The following PIGT variants were observed in gnomAD, a reference collection of about 807,000 sequenced individuals.
PIGT encodes phosphatidylinositol glycan anchor biosynthesis class T.
PIGT carries 57 observed loss-of-function variants against 66.7 expected under a neutral mutation model. That is an observed-to-expected ratio of 0.86 (90% confidence interval 0.69 to 1.07). The LOEUF is 1.07. PIGT is among the 50% of genes least tolerant of loss of function. PIGT has a pLI of 0.00. For missense variants in PIGT, 725 were observed against 740.4 expected, an observed-to-expected ratio of 0.98 and a Z score of 0.24; for synonymous variants, 362 against 320.5, an observed-to-expected ratio of 1.13 and a Z score of -1.38.
chr20:45,425,532 G>A (rs1443898637), intron 11 of PIGT, 42 bp from the exon 12 acceptor site: 16 of 1,596,320 alleles, frequency 1.0e-5, no homozygotes, highest in Non-Finnish European at 1.7e-6. Context: ...GAGATGGGGA[G>A]GAGCAGCCAG....
intron 8 of PIGT, 145 bp from the exon 9 acceptor site, chr20:45,421,238 C>A: frequency 1.5e-6 from 1 of 656,430 alleles, no homozygotes; most frequent in South Asian, 2.0e-5. Context: ...AGGGATGATT[C>A]CAGAACCCAG....
intron 2 of PIGT, 30 bp from the exon 3 acceptor site, chr20:45,418,822 G>A: frequency 6.2e-7 from 1 of 1,612,854 alleles, no homozygotes. Context: ...GTAGCCCCAG[G>A]ACAGTGAGTG....
At chr20:45,421,162 G>A in intron 8 of PIGT, 2 of 578,656 alleles carry the variant, frequency 3.5e-6, no homozygotes, top group South Asian at 4.3e-5. Flanking sequence ...GGGGCACGGT[G>A]TTCGTCACGT....
chr20:45,424,290 A>G lies in PIGT; in HGVS notation c.1309A>G (p.Asn437Asp), dbSNP rs768512053. The G allele has an allele frequency of 7.5e-5, 121 of 1,614,058 alleles. No individual in the cohort carries two copies. Among genetic ancestry groups the G allele is most frequent in the Non-Finnish European group, 1.0e-4 (120 of 1,180,020 alleles). Residue 437 changes from asparagine (N) to aspartate (D), a missense_variant, in exon 10 of 12, where the codon AAC becomes GAC. This residue lies in a region of PIGT where 559 missense variants were observed against 552.7 expected (regional missense o/e 1.01). Transcript: ENST00000279036. ...LLEMLIQLPA[N>D]SVTKVSIQFE... The stretch of plus-strand genomic sequence containing the variant: ...GGAGATGCTGATTCAGCTGCCGGCC[A>G]ACTCAGTCACCAAGGTTTCCATCCA...
rs1349656967 is a variant in PIGT, at chr20:45,424,515, C to T, written c.1420C>T (p.Leu474Phe). ...FYVSPSVLSA[L>F]VPSMVAAKPV... ...CTGTAGCCCATCTGTCCTCAGCGCC[C>T]TTGTGCCCAGCATGGTAGCAGCCAA... is the stretch of plus-strand genomic sequence containing the variant. Residue 474 changes from leucine to phenylalanine, a missense_variant, in exon 11 of 12, where the codon CTT (leucine) becomes TTT (phenylalanine). Transcript: ENST00000279036. 1.2e-6 allele frequency: 2 copies of T among 1,614,074 alleles called. No homozygotes were observed. Among genetic ancestry groups the T allele is most frequent in the Non-Finnish European group, 1.7e-6 (2 of 1,180,040 alleles).
intron 2 of PIGT, 147 bp from the exon 3 acceptor site, chr20:45,418,705 C>A: frequency 2.1e-6 from 2 of 950,868 alleles, no homozygotes; most frequent in Non-Finnish European, 3.3e-6. Context: ...TGGCTGGGGG[C>A]AGCAATGTTC....
Position 45,425,734 on chromosome 20 carries a change from C to G in PIGT, c.1645C>G (p.Arg549Gly). The change falls in exon 12 of 12, where the codon CGA becomes GGA. Residue 549 changes from arginine (R) to glycine (G), a missense_variant. This residue lies in a region of PIGT where 162 missense variants were observed against 171.1 expected (regional missense o/e 0.95). Transcript: ENST00000279036. ...TGGCTCCTTCTACAATCTCCTCACC[C>G]GAACCTTCCACATCGAGGAGCCCCG... The part of the protein sequence containing the change: ...CYGSFYNLLT[R>G]TFHIEEPRTG... 6.2e-7 allele frequency: 1 copy of G among 1,614,142 alleles called. No individual in the cohort carries two copies.
intron 9 of PIGT, chr20:45,422,925 G>A (rs1445220410): frequency 6.6e-6 from 1 of 152,048 alleles, no homozygotes; most frequent in Non-Finnish European, 1.5e-5. Context: ...TTCCTCTCTT[G>A]GGTGGGCACA....
intron 8 of PIGT, 178 bp from the exon 9 acceptor site, chr20:45,421,205 A>G (rs1990341049): frequency 6.6e-6 from 4 of 608,818 alleles, no homozygotes; most frequent in Middle Eastern, 4.4e-4. Context: ...TATTGTCATC[A>G]TCGCTTGTTG....
intron 11 of PIGT, 58 bp downstream of exon 11, chr20:45,424,637 C>A: frequency 1.5e-6 from 2 of 1,349,984 alleles, no homozygotes; most frequent in Non-Finnish European, 2.1e-6. Flanking sequence ...GGCCTTAACA[C>A]AGGTGACCAG....
At chr20:45,421,984 C>T (rs1568951317) in intron 9 of PIGT, 1 of 156,248 alleles carries the variant, frequency 6.4e-6, no homozygotes. Flanking sequence ...GTTTTGCTTC[C>T]TTGGGAGGGG....
At position 45,420,315 on chromosome 20, in the gene PIGT, T is replaced by C; in HGVS notation, c.770-17T>C. ...CCTAGGCCTGGCCCCTGCTCAGCCC[T>C]GCGCTCTGTTTCTCAGACTGGTCCC... On this transcript the variant is annotated splice_polypyrimidine_tract_variant and intron_variant, in intron 6 of 11. Coordinates refer to ENST00000279036, the MANE Select transcript of PIGT (RefSeq NM_015937.6). 1 of 1,608,200 alleles carries C rather than the reference T, an allele frequency of 6.2e-7. No homozygotes were observed. Among genetic ancestry groups the C allele is most frequent in the Non-Finnish European group, 8.5e-7 (1 of 1,176,156 alleles).
intron 2 of PIGT, chr20:45,417,159 G>A (rs978695034): frequency 5.2e-5 from 8 of 153,322 alleles, no homozygotes; most frequent in African/African-American, 9.6e-5. Flanking sequence ...ATTTCCCAGT[G>A]GCTGCTGTGG....
At chr20:45,416,471 C>A in intron 1 of PIGT, 46 bp from the exon 2 acceptor site, 1 of 1,592,872 alleles carries the variant, frequency 6.3e-7, no homozygotes, top group Non-Finnish European at 8.6e-7. Flanking sequence ...TGGGTGTGGA[C>A]CCCGACGAGG....
At chr20:45,416,385 C>T (rs1989973812) in intron 1 of PIGT, 42 bp downstream of exon 1, 2 of 1,552,396 alleles carry the variant, frequency 1.3e-6, no homozygotes, top group East Asian at 2.3e-5. Flanking sequence ...TTCCGTAGTG[C>T]CTGCTGGCTG....
rs1990154445 is a variant in PIGT at position 45,418,852 on chromosome 20, T to C, written c.366T>C (p.Asp122=). The C allele has an allele frequency of 6.2e-7, 1 of 1,613,960 alleles. No homozygotes were observed. The highest frequency in any genetic ancestry group is 8.5e-7 in the Non-Finnish European group (1 of 1,179,886). Residue 122 remains aspartate, a splice_region_variant and synonymous_variant, in exon 3 of 12, where the codon GAT becomes GAC. Coordinates refer to ENST00000279036, the MANE Select transcript of PIGT (RefSeq NM_015937.6). ...TGAGTGGATTTGTGTCTCTATCCAG[T>C]GTGGATAAATCTTGGAAGGAGCTCA... ...LWVWFQDTVT[D]VDKSWKELSN... is the part of the protein sequence containing the mutation.
In PIGT at chr20:45,419,326, G is replaced by A; in HGVS notation, c.525G>A (p.Val175=). The part of the protein sequence containing the change: ...DTDHYFLRYA[V]LPREVVCTEN... The stretch of plus-strand genomic sequence containing the variant: ...ACCACTACTTTCTGCGCTATGCTGT[G>A]CTGCCGCGGGAGGTGGTCTGCACCG... Residue 175 remains valine, a synonymous_variant, in exon 4 of 12, where the codon GTG becomes GTA. Transcript: ENST00000279036. 1.9e-6 allele frequency: 3 copies of A among 1,614,148 alleles called. No homozygotes were observed.
chr20:45,419,821 G>A, intron 5 of PIGT: 1 of 600,698 alleles, frequency 1.7e-6, no homozygotes, highest in Non-Finnish European at 3.0e-6. Flanking sequence ...GGGTGCAATT[G>A]CTAGCTCAGT....
chr20:45,419,778 A>G (rs1990231103), intron 5 of PIGT, 188 bp downstream of exon 5: 2 of 613,910 alleles, frequency 3.3e-6, no homozygotes, highest in East Asian at 2.7e-5. Flanking sequence ...AATATTTGTC[A>G]TGGAAAATAG....
Sources: gnomAD v4.1 joint callset for allele counts on GRCh38, gnomAD v4.1.1 for gene constraint, gnomAD v4.1.1 regional missense constraint, MANE v1.5 for transcripts, NCBI Gene and HGNC (gene_info 2026-07-23, HGNC 2026-07-21) for gene names.